The following CFAP92 variants were observed in gnomAD, a reference collection of about 807,000 sequenced individuals.
CFAP92 encodes the protein uncharacterized protein CFAP92.
A neutral mutation model predicts 106.3 loss-of-function variants in CFAP92; 86 were observed. The ratio of observed to expected loss-of-function variants is 0.81; its 90% CI spans 0.68 to 0.97. The LOEUF is 0.97. Among genes scored for constraint, CFAP92 ranks in the 50% least tolerant of loss-of-function variants. The pLI, the probability that CFAP92 is intolerant of heterozygous loss-of-function variation, is 0.00. For synonymous variants in CFAP92, 477 were observed against 506.4 expected (o/e 0.94, Z 0.78); for missense variants, 1,204 against 1,283.8 (o/e 0.94, Z 0.95).
chr3:128,921,847 C>T (rs1258617887), intron 12 of CFAP92, among the ~76,000 whole-genome samples: 1 of 152,158 alleles, frequency 6.6e-6, no homozygotes, highest in Non-Finnish European at 1.5e-5. Flanking sequence ...AATTGTCTCC[C>T]ACCATAGTAG....
At chr3:128,913,207 G>T (rs1019004216) in intron 15 of CFAP92, 10 of 376,778 alleles carry the variant, frequency 2.7e-5, no homozygotes, top group Non-Finnish European at 4.8e-5. Flanking sequence ...ATGGCCTCGG[G>T]TCCCCTTTGT....
chr3:128,948,966 T>C (rs1364124436), intron 9 of CFAP92, among the ~76,000 whole-genome samples: 1 of 152,184 alleles, frequency 6.6e-6, no homozygotes, highest in Non-Finnish European at 1.5e-5. Flanking sequence ...CAAAAGATGC[T>C]CAACATCATT....
At chr3:128,910,437 G>C in intron 15 of CFAP92, 104 bp from the exon 16 acceptor site, 1 of 1,210,442 alleles carries the variant, frequency 8.3e-7, no homozygotes, top group African/African-American at 1.5e-5. Flanking sequence ...AGGGAGGCGG[G>C]TGCAGTCTCT....
intron 9 of CFAP92, among the ~76,000 whole-genome samples, chr3:128,963,596 A>G (rs1942123580): frequency 6.6e-6 from 1 of 151,126 alleles, no homozygotes; most frequent in African/African-American, 2.4e-5. Context: ...TATCTCTCTG[A>G]TCCACCTGAT....
At chr3:128,953,420 G>C (rs192845474) in intron 9 of CFAP92, among the ~76,000 whole-genome samples, 5,022 of 152,124 alleles carry the variant, frequency 0.033, 253 homozygotes, top group African/African-American at 0.11. Flanking sequence ...GAGGCTGAGG[G>C]AGGAGAATGG....
chr3:128,971,635 A>T (rs1026179341), intron 7 of CFAP92, among the ~76,000 whole-genome samples: 1 of 152,190 alleles, frequency 6.6e-6, no homozygotes, highest in Non-Finnish European at 1.5e-5. Context: ...AGTTATATGT[A>T]GTAATAGGGT....
At chr3:128,935,647 G>A (rs1938925890) in intron 10 of CFAP92, among the ~76,000 whole-genome samples, 1 of 152,174 alleles carries the variant, frequency 6.6e-6, no homozygotes, top group Admixed American at 6.5e-5. Flanking sequence ...AGGAGGCGGA[G>A]GTTGTGGTGA....
In CFAP92 at chr3:128,932,790, G is replaced by A. The variant is rs368656700; in HGVS notation, c.2661C>T (p.Thr887=). ...TCTCCTGGTGGGCGTGGATCTCTAA[G>A]GTGAGGGTGGAGTTCCGACTGTGGT... is the stretch of plus-strand genomic sequence containing the variant. The part of the protein sequence containing the change: ...EDYHSRNSTL[T]LEIHAHQEKY... Residue 887 remains threonine (T), a synonymous_variant, in exon 12 of 16, where the codon ACC becomes ACT. Coordinates refer to ENST00000645291, the MANE Select transcript of CFAP92 (RefSeq NM_001394090.1). 6.5e-7 allele frequency: 1 copy of A among 1,536,226 alleles called. No homozygotes were observed. The highest frequency in any genetic ancestry group is 8.7e-7 in the Non-Finnish European group (1 of 1,146,932).
chr3:128,945,031 T>C, intron 10 of CFAP92, 40 bp downstream of exon 10: 3 of 1,459,190 alleles, frequency 2.1e-6, no homozygotes, highest in African/African-American at 1.4e-5. Flanking sequence ...GGCATCCAGA[T>C]GCCATCATTT....
intron 2 of CFAP92, among the ~76,000 whole-genome samples, chr3:128,990,031 A>G (rs1294802927): frequency 6.6e-6 from 1 of 152,280 alleles, no homozygotes; most frequent in Non-Finnish European, 1.5e-5. Flanking sequence ...AGGCAACAGA[A>G]GTGCCCACAT....
intron 10 of CFAP92, among the ~76,000 whole-genome samples, chr3:128,937,094 A>G (rs1321368442): frequency 6.6e-6 from 1 of 151,966 alleles, no homozygotes; most frequent in Non-Finnish European, 1.5e-5. Context: ...TGAGTCCAGG[A>G]GTAGGAGACC....
the CFAP92 span, among the ~76,000 whole-genome samples, chr3:129,021,496 C>G: frequency 6.6e-6 from 1 of 152,142 alleles, no homozygotes; most frequent in Non-Finnish European, 1.5e-5. Flanking sequence ...ATCGCTTGAA[C>G]CCGGGAGGCG....
At chr3:128,926,972 T>C (rs1053085034) in intron 12 of CFAP92, among the ~76,000 whole-genome samples, 3 of 152,038 alleles carry the variant, frequency 2.0e-5, no homozygotes, top group Admixed American at 6.5e-5. Context: ...CGCATGCTTG[T>C]AGTCCCAGCT....
Position 128,935,288 on chromosome 3 carries a change from C to G in CFAP92, c.2290G>C (p.Val764Leu). The G allele has an allele frequency of 6.5e-7, 1 of 1,529,962 alleles. No homozygotes were observed. Among genetic ancestry groups the G allele is most frequent in the Non-Finnish European group, 8.7e-7 (1 of 1,142,928 alleles). The allele number at this position is 1,529,962 out of a possible 1,614,324, so 94.8% of individuals were successfully genotyped here. ...AACAGCAGCTGTGAGTTGTACAGCA[C>G]CTTGTATTTCCTGTGTTCTGACCTG... ...IPRSEHRKYKVLYNSQLLFRS... is the reference protein window; with the variant it reads ...IPRSEHRKYKLLYNSQLLFRS... The change falls in exon 11 of 16, where the codon GTG becomes CTG. Residue 764 changes from valine to leucine, a missense_variant. Transcript: ENST00000645291.
the CFAP92 span, among the ~76,000 whole-genome samples, chr3:129,022,645 T>G: frequency 6.6e-6 from 1 of 152,108 alleles, no homozygotes; most frequent in Non-Finnish European, 1.5e-5. Context: ...CTCTGGGGTC[T>G]GCCAGGAAGT....
chr3:128,973,225 G>C (rs1024092522), intron 7 of CFAP92, among the ~76,000 whole-genome samples: 11 of 152,134 alleles, frequency 7.2e-5, no homozygotes, highest in Non-Finnish European at 1.6e-4. Flanking sequence ...GCAAAGATAT[G>C]AATAGGAAAA....
chr3:128,992,312 A>G (rs578187731), intron 2 of CFAP92, among the ~76,000 whole-genome samples: 1 of 152,312 alleles, frequency 6.6e-6, no homozygotes, highest in African/African-American at 2.4e-5. Flanking sequence ...CTGTAATCCC[A>G]GCACTTTGGG....
intron 9 of CFAP92, among the ~76,000 whole-genome samples, chr3:128,952,808 G>A (rs547670601): frequency 3.9e-4 from 59 of 152,094 alleles, no homozygotes; most frequent in South Asian, 6.3e-4. Context: ...TAAATAGGCC[G>A]GGTGCGGTGG....
At chr3:128,951,817 A>G (rs1208309492) in intron 9 of CFAP92, among the ~76,000 whole-genome samples, 1 of 152,176 alleles carries the variant, frequency 6.6e-6, no homozygotes, top group Non-Finnish European at 1.5e-5. Context: ...CTGGACTTCT[A>G]CCCTCACTGA....
Sources: allele counts gnomAD v4.1 joint callset (sites outside exome capture counted in the v4.1 genomes callset), GRCh38; gene constraint gnomAD v4.1.1; transcripts MANE v1.5; gene names NCBI Gene and HGNC (gene_info 2026-07-23, HGNC 2026-07-21).